STOX2: variants seen among roughly 807,000 people sequenced by gnomAD.
STOX2 encodes storkhead-box protein 2.
STOX2 carries 28 observed loss-of-function variants against 60.9 expected under a neutral mutation model. That is an observed-to-expected ratio of 0.46 (90% CI 0.34 to 0.63). STOX2 has a LOEUF of 0.63. STOX2 is among the 30% of genes least tolerant of loss of function. The pLI is 0.01. For synonymous variants in STOX2, 472 were observed against 463.9 expected (o/e 1.02, Z -0.22); for missense variants, 1,024 against 1,187.7 (o/e 0.86, Z 2.03).
intron 1 of STOX2, among the ~76,000 whole-genome samples, chr4:183,875,471 A>G (rs1368242884): frequency 6.6e-6 from 1 of 152,082 alleles, no homozygotes; most frequent in Non-Finnish European, 1.5e-5. Context: ...CTCCCATTTT[A>G]TGGAGGAGCC....
intron 1 of STOX2, among the ~76,000 whole-genome samples, chr4:183,989,325 C>T (rs563304085): frequency 5.3e-5 from 8 of 152,160 alleles, no homozygotes; most frequent in African/African-American, 1.9e-4. Context: ...GCCTCAGCCT[C>T]TTGAGTAGCT....
In STOX2 at chr4:184,019,849, G is replaced by T. The variant is rs997334806; in HGVS notation, c.*2565G>T. On this transcript the variant is annotated 3_prime_UTR_variant, in exon 4 of 4. Transcript: ENST00000308497. ...ATTGCAAATGTCATTCGAGGTCACG[G>T]TGAGGCTCTCGGTCCCGGAACAGTG... 4.6e-5 allele frequency: 7 copies of T among 152,304 alleles called. No individual in the cohort carries two copies. Among genetic ancestry groups the T allele is most frequent in the African/African-American group, 1.7e-4 (7 of 41,566 alleles). The allele number at this position is 152,304 out of a possible 1,614,324, so 9.4% of individuals were successfully genotyped here.
At chr4:183,799,706 T>C (rs1738717719) in intron 1 of STOX2, among the ~76,000 whole-genome samples, 1 of 151,992 alleles carries the variant, frequency 6.6e-6, no homozygotes, top group Non-Finnish European at 1.5e-5. Flanking sequence ...CTTGATTTCA[T>C]TTGTAAATAT....
At chr4:183,934,132 G>A (rs377115166) in intron 1 of STOX2, among the ~76,000 whole-genome samples, 8 of 151,406 alleles carry the variant, frequency 5.3e-5, no homozygotes, top group East Asian at 1.9e-4. Context: ...GCAAAACTCC[G>A]TCTGTACTTA....
At chr4:183,885,357 A>G (rs1427170473) in intron 1 of STOX2, among the ~76,000 whole-genome samples, 1 of 152,208 alleles carries the variant, frequency 6.6e-6, no homozygotes, top group Non-Finnish European at 1.5e-5. Flanking sequence ...GGACTTATGT[A>G]GCTGATCAGT....
chr4:183,954,332 A>G (rs1743182992), intron 1 of STOX2, among the ~76,000 whole-genome samples: 1 of 151,976 alleles, frequency 6.6e-6, no homozygotes, highest in Non-Finnish European at 1.5e-5. Flanking sequence ...TCTGTCACCC[A>G]GGCTGGAGTG....
In STOX2 at chr4:183,956,603, C is replaced by T. The variant is rs142905616; in HGVS notation, c.167-44722C>T. Among the ~76,000 whole-genome samples the T allele has an allele frequency of 8.7e-4, 132 of 152,250 alleles. No homozygotes were observed. In the East Asian group the frequency reaches 0.023, roughly 26 times the overall value. ...TCCCAAGAGCAAGGACATTCTCTTACACATAATAAGACTAGAATTACTGAA... is the reference window on the plus strand; with the variant it reads ...TCCCAAGAGCAAGGACATTCTCTTATACATAATAAGACTAGAATTACTGAA... On this transcript the variant is annotated intron_variant, in intron 1 of 3. Coordinates refer to ENST00000308497, the MANE Select transcript of STOX2 (RefSeq NM_020225.3).
At chr4:183,902,909 G>A (rs1370674388), upstream of STOX2, among the ~76,000 whole-genome samples, 3 of 152,150 alleles carry the variant, frequency 2.0e-5, no homozygotes, top group Non-Finnish European at 2.9e-5. Flanking sequence ...TCACCCCTCT[G>A]CAAGGTCTGC....
At chr4:183,817,651 C>G (rs1478760586) in intron 1 of STOX2, among the ~76,000 whole-genome samples, 1 of 152,154 alleles carries the variant, frequency 6.6e-6, no homozygotes, top group African/African-American at 2.4e-5. Flanking sequence ...CTCAAGACTT[C>G]GTGAGAGTGA....
At position 184,009,471 on chromosome 4, in the gene STOX2, A is replaced by C; in HGVS notation, c.633A>C (p.Ala211=). ...CCREDVHSTH[A]PTLQRKSAKD... Reference sequence around the variant, plus strand: ...GAGAAGACGTGCACAGCACGCATGCACCCACCCTGCAAAGGAAGTCTGCCA... The same window carrying C: ...GAGAAGACGTGCACAGCACGCATGCCCCCACCCTGCAAAGGAAGTCTGCCA... Residue 211 remains alanine, a synonymous_variant, in exon 3 of 4, where the codon GCA becomes GCC. Coordinates refer to ENST00000308497, the MANE Select transcript of STOX2 (RefSeq NM_020225.3). This position sits in a 1 kb window ranked among gnomAD's most constrained non-coding sequence, Gnocchi z 4.0. 6.2e-7 allele frequency: 1 copy of C among 1,613,986 alleles called. No homozygotes were observed. Among genetic ancestry groups the C allele is most frequent in the South Asian group, 1.1e-5 (1 of 91,082 alleles).
Position 183,906,737 on chromosome 4 carries a change from T to C in STOX2, c.-54T>C. 1 of 1,447,442 alleles carries C rather than the reference T, an allele frequency of 6.9e-7. No homozygotes were observed. The highest frequency in any genetic ancestry group is 1.4e-5 in the South Asian group (1 of 70,642). 89.7% of individuals were successfully genotyped at this position (1,447,442 alleles called of 1,614,324 possible). ...GCCGTAGACGGATGAAGGAGCGCGC[T>C]GCGCCCCGGCGCTGAGGCCCCGAGG... is the stretch of plus-strand genomic sequence containing the variant. On this transcript the variant is annotated 5_prime_UTR_variant, in exon 1 of 4. Coordinates refer to ENST00000308497, the MANE Select transcript of STOX2 (RefSeq NM_020225.3).
chr4:183,803,581 G>T (rs571051306), intron 1 of STOX2, among the ~76,000 whole-genome samples: 1 of 152,336 alleles, frequency 6.6e-6, no homozygotes, highest in African/African-American at 2.4e-5. Flanking sequence ...CCTGGGATGT[G>T]TTCTAGGCAC....
intron 1 of STOX2, among the ~76,000 whole-genome samples, chr4:183,839,491 A>G (rs1739799311): frequency 6.6e-6 from 1 of 152,220 alleles, no homozygotes; most frequent in South Asian, 2.1e-4. Context: ...AACGAGGGAA[A>G]TGGAAAGTTG....
intron 1 of STOX2, among the ~76,000 whole-genome samples, chr4:183,950,982 G>A (rs1194219963): frequency 1.6e-4 from 24 of 151,978 alleles, no homozygotes; most frequent in African/African-American, 4.1e-4. Context: ...TTGGGAGGCC[G>A]AGGCGGGCGG....
chr4:183,999,183 C>T (rs1021962712), intron 1 of STOX2, among the ~76,000 whole-genome samples: 5 of 152,184 alleles, frequency 3.3e-5, no homozygotes, highest in Non-Finnish European at 5.9e-5. Context: ...AACTTACCCA[C>T]TGAGGTGGTC....
intron 1 of STOX2, among the ~76,000 whole-genome samples, chr4:183,872,965 G>A (rs983394224): frequency 2.0e-5 from 3 of 152,130 alleles, no homozygotes; most frequent in Non-Finnish European, 4.4e-5. Flanking sequence ...GTTTCAGAAA[G>A]TCACGTTCTG....
intron 1 of STOX2, among the ~76,000 whole-genome samples, chr4:183,826,036 CA>C (rs1439525460): frequency 6.6e-6 from 1 of 152,086 alleles, no homozygotes; most frequent in Admixed American, 6.5e-5. Context: ...TTTTAGTGCA[CA>C]ACAGACTCAT....
At chr4:183,924,630 T>A (rs565509225) in intron 1 of STOX2, among the ~76,000 whole-genome samples, 2 of 151,386 alleles carry the variant, frequency 1.3e-5, no homozygotes, top group Non-Finnish European at 2.9e-5. Context: ...GGTAGGGGAG[T>A]GACATGTTGG....
At position 183,819,422 on chromosome 4, in the gene STOX2, A is replaced by G. The variant is rs985145746; in HGVS notation, c.364+21367A>G. ...CAGTCAGGCATGGCGGCGCGCGCCC[A>G]CAATCGCAGGCACTGGGCAGGTTGA... On this transcript the variant is annotated intron_variant, in intron 1 of 2. Transcript: ENST00000513034. Among the ~76,000 whole-genome samples the G allele has an allele frequency of 4.0e-5, 6 of 151,890 alleles. No homozygotes were observed. The East Asian group carries it at 5.8e-4, about 15-fold the overall frequency.
Sources: allele counts gnomAD v4.1 joint callset (sites outside exome capture counted in the v4.1 genomes callset), GRCh38; gene constraint gnomAD v4.1.1; non-coding constraint Gnocchi (gnomAD v3.1); transcripts MANE v1.5; gene names NCBI Gene and HGNC (gene_info 2026-07-23, HGNC 2026-07-21).